Variants in DYNC1I1 observed in about 807,000 individuals in gnomAD.
The protein encoded by DYNC1I1 is dynein cytoplasmic 1 intermediate chain 1, also known as cytoplasmic dynein 1 intermediate chain 1.
A neutral mutation model predicts 86.6 loss-of-function variants in DYNC1I1; 43 were observed. The ratio of observed to expected loss-of-function variants is 0.50; its 90% CI spans 0.39 to 0.64. The LOEUF is 0.64. Ranked by LOEUF, DYNC1I1 falls within the 30% of genes least tolerant of loss-of-function variation. DYNC1I1 has a pLI of 0.00. For missense variants in DYNC1I1, 604 were observed against 788.8 expected, an observed-to-expected ratio of 0.77 and a Z score of 2.81; for synonymous variants, 262 against 283.7, an observed-to-expected ratio of 0.92 and a Z score of 0.77.
At chr7:96,032,280 C>T (rs944037751) in intron 11 of DYNC1I1, among the ~76,000 whole-genome samples, 4 of 152,114 alleles carry the variant, frequency 2.6e-5, no homozygotes, top group African/African-American at 9.7e-5. Flanking sequence ...TAGTTCTACC[C>T]TTTTGAAGAC....
chr7:96,106,918 A>T (rs965073158), intron 16 of DYNC1I1, among the ~76,000 whole-genome samples: 2 of 152,268 alleles, frequency 1.3e-5, no homozygotes, highest in East Asian at 3.9e-4. Context: ...GGTTCTATAA[A>T]CTTTTTTTAT....
chr7:96,098,062 A>G lies in DYNC1I1; in HGVS notation c.*469A>G. 1 of 989,268 alleles carries G rather than the reference A, an allele frequency of 1.0e-6. No homozygotes were observed. The highest frequency in any genetic ancestry group is 1.2e-6 in the Non-Finnish European group (1 of 831,900). 61.3% of individuals were successfully genotyped at this position (989,268 alleles called of 1,614,324 possible). On this transcript the variant is annotated 3_prime_UTR_variant, in exon 17 of 17. Coordinates refer to ENST00000447467, the MANE Select transcript of DYNC1I1 (RefSeq NM_001135556.2). ...CTCACATTATGAATGGATTTACTAGAAGAACATTGCTGCTCCTTATTTATT... is the reference window on the plus strand; with the variant it reads ...CTCACATTATGAATGGATTTACTAGGAGAACATTGCTGCTCCTTATTTATT...
intron 5 of DYNC1I1, among the ~76,000 whole-genome samples, chr7:95,851,866 G>A (rs1273483402): frequency 1.3e-5 from 2 of 152,126 alleles, no homozygotes; most frequent in Non-Finnish European, 2.9e-5. Flanking sequence ...GTTTCTCCAT[G>A]TTGGTCTTGC....
chr7:96,031,474 T>C (rs1255557294), intron 11 of DYNC1I1, among the ~76,000 whole-genome samples: 2 of 152,094 alleles, frequency 1.3e-5, no homozygotes, highest in African/African-American at 2.4e-5. Context: ...TTATCCCCAT[T>C]AGTGGAAGAA....
At chr7:96,082,563 C>A (rs1162904450) in intron 16 of DYNC1I1, among the ~76,000 whole-genome samples, 1 of 152,100 alleles carries the variant, frequency 6.6e-6, no homozygotes, top group Non-Finnish European at 1.5e-5. Flanking sequence ...GTTTAACAAT[C>A]TGTTTTATAT....
At chr7:95,853,843 A>G (rs1216930359) in intron 5 of DYNC1I1, among the ~76,000 whole-genome samples, 1 of 152,160 alleles carries the variant, frequency 6.6e-6, no homozygotes, top group Non-Finnish European at 1.5e-5. Flanking sequence ...GTCCATATAC[A>G]TTTATAAATG....
rs1246498723 is a variant in DYNC1I1 at position 95,796,796 on chromosome 7, G to A, written c.-9-7925G>A. On this transcript the variant is annotated intron_variant, in intron 1 of 16. Coordinates refer to ENST00000447467, the MANE Select transcript of DYNC1I1 (RefSeq NM_001135556.2). ...AGTCACAGTTGACTTAACCTAAGCT[G>A]GGGAACCCCTAGGGGTTCCCCAGAA... Among the ~76,000 whole-genome samples the A allele has an allele frequency of 2.0e-5, 3 of 151,790 alleles. No homozygotes were observed. In the East Asian group the frequency reaches 5.8e-4, roughly 29 times the overall value.
intron 7 of DYNC1I1, among the ~76,000 whole-genome samples, chr7:95,979,241 C>G (rs1793391955): frequency 6.6e-6 from 1 of 152,134 alleles, no homozygotes; most frequent in South Asian, 2.1e-4. Flanking sequence ...AAAGCATAGC[C>G]TCTGGAGCCA....
intron 5 of DYNC1I1, among the ~76,000 whole-genome samples, chr7:95,834,019 T>C (rs1047864413): frequency 4.1e-5 from 3 of 73,438 alleles, no homozygotes; most frequent in Admixed American, 1.6e-4. Context: ...TGAATAGGAG[T>C]GGTGAGAGAG....
chr7:95,988,072 C>G (rs1793640707), intron 9 of DYNC1I1, among the ~76,000 whole-genome samples: 2 of 152,146 alleles, frequency 1.3e-5, no homozygotes, highest in Non-Finnish European at 2.9e-5. Flanking sequence ...AACAATCTTT[C>G]TAAAATAAAA....
At chr7:95,804,446 C>A (rs1239967598) in intron 1 of DYNC1I1, 16 of 1,147,850 alleles carry the variant, frequency 1.4e-5, no homozygotes, top group Non-Finnish European at 1.7e-5. Flanking sequence ...TGTTGCTTAT[C>A]TGGAAGTTGC....
intron 10 of DYNC1I1, among the ~76,000 whole-genome samples, chr7:96,020,097 CA>C (rs10595929): frequency 0.085 from 10,395 of 122,086 alleles, 439 homozygotes; most frequent in African/African-American, 0.13. Flanking sequence ...AAAAGAAAGC[CA>C]AAAAAAAAAA....
intron 6 of DYNC1I1, among the ~76,000 whole-genome samples, chr7:95,950,770 G>A (rs1296999902): frequency 6.6e-6 from 1 of 152,064 alleles, no homozygotes; most frequent in Non-Finnish European, 1.5e-5. Flanking sequence ...TGAAAATTGG[G>A]GCCAGGATCA....
intron 10 of DYNC1I1, among the ~76,000 whole-genome samples, chr7:96,008,979 A>G (rs1459367468): frequency 3.3e-5 from 5 of 152,352 alleles, no homozygotes; most frequent in Admixed American, 6.5e-5. Context: ...GCTATTAAAT[A>G]TAAGATGGCA....
At chr7:95,917,250 C>T (rs942809475) in intron 6 of DYNC1I1, among the ~76,000 whole-genome samples, 7 of 152,078 alleles carry the variant, frequency 4.6e-5, no homozygotes, top group Non-Finnish European at 8.8e-5. Flanking sequence ...GCTTCGGTAG[C>T]GAGAAGCGGG....
At chr7:96,043,856 C>A (rs112509820) in intron 14 of DYNC1I1, among the ~76,000 whole-genome samples, 5 of 151,898 alleles carry the variant, frequency 3.3e-5, no homozygotes, top group South Asian at 4.2e-4. Flanking sequence ...ATTACAGGTG[C>A]CCGCCACTAC....
chr7:96,039,071 T>C (rs1399425505), intron 13 of DYNC1I1, among the ~76,000 whole-genome samples: 1 of 152,244 alleles, frequency 6.6e-6, no homozygotes, highest in Non-Finnish European at 1.5e-5. Context: ...TTGCCCTACA[T>C]TGTTTTTAAA....
intron 1 of DYNC1I1, among the ~76,000 whole-genome samples, chr7:95,794,524 C>T (rs902730357): frequency 2.6e-5 from 4 of 152,134 alleles, no homozygotes; most frequent in Admixed American, 6.5e-5. Flanking sequence ...TTGGCAAAGA[C>T]GACAGTGGCT....
At chr7:95,872,429 T>C (rs2116180431) in intron 6 of DYNC1I1, among the ~76,000 whole-genome samples, 1 of 152,320 alleles carries the variant, frequency 6.6e-6, no homozygotes, top group South Asian at 2.1e-4. Flanking sequence ...TCTCAGAGCA[T>C]TGATTTGTTC....
Sources: gnomAD v4.1 joint callset for allele counts (sites outside exome capture counted in the v4.1 genomes callset) on GRCh38, gnomAD v4.1.1 for gene constraint, MANE v1.5 for transcripts, NCBI Gene and HGNC (gene_info 2026-07-23, HGNC 2026-07-21) for gene names.